The following UNC5C variants were observed in gnomAD, a reference collection of about 807,000 sequenced individuals.
The protein encoded by UNC5C is netrin receptor UNC5C.
A neutral mutation model predicts 99.8 loss-of-function variants in UNC5C; 47 were observed. The ratio of observed to expected loss-of-function variants is 0.47; its 90% CI spans 0.37 to 0.60. UNC5C has a LOEUF of 0.60. Ranked by LOEUF, UNC5C falls within the 20% of genes least tolerant of loss-of-function variation. UNC5C has a pLI of 0.00. For missense variants in UNC5C, 1,062 were observed against 1,165.9 expected, an observed-to-expected ratio of 0.91 and a Z score of 1.30; for synonymous variants, 487 against 452.2, an observed-to-expected ratio of 1.08 and a Z score of -0.98.
Position 95,226,101 on chromosome 4 carries a change from G to A in UNC5C, c.1109-5925C>T, listed in dbSNP as rs141498645. ...AATAATGAAAAATAACATCTCCGGC[G>A]GAACACAGTGCAAAATAATTGTTTT... On this transcript the variant is annotated intron_variant, in intron 7 of 15. Transcript: ENST00000453304. Among the ~76,000 whole-genome samples the A allele has an allele frequency of 2.7e-3, 405 of 152,264 alleles. 4 individuals carry two copies. Among genetic ancestry groups the A allele is most frequent in the African/African-American group, 9.1e-3 (380 of 41,546 alleles).
At chr4:95,486,194 AATT>A (rs1458729459) in intron 1 of UNC5C, among the ~76,000 whole-genome samples, 5 of 151,698 alleles carry the variant, frequency 3.3e-5, no homozygotes, top group Admixed American at 6.6e-5. Flanking sequence ...CCATTACAGA[AATT>A]ATTATTATAT....
intron 1 of UNC5C, among the ~76,000 whole-genome samples, chr4:95,338,978 G>A (rs1743453291): frequency 1.3e-5 from 2 of 152,056 alleles, no homozygotes; most frequent in Admixed American, 1.3e-4. Flanking sequence ...CTGTGTGACA[G>A]CAGAGGTCAC....
intron 4 of UNC5C, among the ~76,000 whole-genome samples, chr4:95,273,943 CCAT>C (rs139324404): frequency 9.4e-4 from 143 of 152,198 alleles, no homozygotes; most frequent in African/African-American, 3.3e-3. Flanking sequence ...CTAGAGCTTT[CCAT>C]CTCCTGAGGT....
chr4:95,429,255 C>G (rs1043191915), intron 1 of UNC5C, among the ~76,000 whole-genome samples: 3 of 148,296 alleles, frequency 2.0e-5, no homozygotes, highest in African/African-American at 7.6e-5. Flanking sequence ...TCAGATCTTC[C>G]CTTTAAATAA....
intron 3 of UNC5C, among the ~76,000 whole-genome samples, chr4:95,294,046 T>A (rs535813462): frequency 6.6e-6 from 1 of 152,174 alleles, no homozygotes; most frequent in Non-Finnish European, 1.5e-5. Flanking sequence ...AAAACCAGTA[T>A]GACAAAAAGA....
In UNC5C at chr4:95,163,989, T is replaced by A. The variant is rs981188221; in HGVS notation, c.*5245A>T. ...ATGCTAAATAGGTCTGAGGCACACA[T>A]TACATTTGGTTGAATGAGCCCGTTA... On this transcript the variant is annotated 3_prime_UTR_variant, in exon 16 of 16. Coordinates refer to ENST00000453304, the MANE Select transcript of UNC5C (RefSeq NM_003728.4). The A allele has an allele frequency of 6.6e-6, 1 of 152,198 alleles. No individual in the cohort carries two copies. The highest frequency in any genetic ancestry group is 6.5e-5 in the Admixed American group (1 of 15,284). 9.4% of individuals were successfully genotyped at this position (152,198 alleles called of 1,614,324 possible).
chr4:95,410,825 G>C (rs1430126669), intron 1 of UNC5C, among the ~76,000 whole-genome samples: 1 of 152,172 alleles, frequency 6.6e-6, no homozygotes, highest in East Asian at 1.9e-4. Context: ...CCAGTGTACA[G>C]AATCAAAGGG....
intron 3 of UNC5C, among the ~76,000 whole-genome samples, chr4:95,286,495 C>T (rs1049360030): frequency 2.0e-5 from 3 of 152,140 alleles, no homozygotes; most frequent in Non-Finnish European, 2.9e-5. Context: ...TGCTTCTGCA[C>T]GGTGGCTCTA....
chr4:95,432,865 G>A (rs748129169), intron 1 of UNC5C, among the ~76,000 whole-genome samples: 2 of 152,078 alleles, frequency 1.3e-5, no homozygotes, highest in African/African-American at 4.8e-5. Flanking sequence ...TCAAGGAAAA[G>A]AGCAATCTGC....
At chr4:95,192,689 T>A (rs960667825) in intron 12 of UNC5C, among the ~76,000 whole-genome samples, 2 of 150,480 alleles carry the variant, frequency 1.3e-5, no homozygotes, top group African/African-American at 4.9e-5. Flanking sequence ...CTGTTCACCC[T>A]CCTCCCCTGC....
At chr4:95,199,913 G>GAAAT (rs1737587354) in intron 12 of UNC5C, among the ~76,000 whole-genome samples, 1 of 152,156 alleles carries the variant, frequency 6.6e-6, no homozygotes, top group South Asian at 2.1e-4. Flanking sequence ...GAATATAAAA[G>GAAAT]AAATAACCTT....
chr4:95,539,390 C>A (rs1229997367), intron 1 of UNC5C, among the ~76,000 whole-genome samples: 1 of 152,164 alleles, frequency 6.6e-6, no homozygotes, highest in Non-Finnish European at 1.5e-5. Flanking sequence ...GAGACAAAAA[C>A]ATCTCTTTGG....
chr4:95,255,666 G>C (rs1739949474), intron 4 of UNC5C, among the ~76,000 whole-genome samples: 1 of 152,044 alleles, frequency 6.6e-6, no homozygotes, highest in Non-Finnish European at 1.5e-5. Context: ...TTCTATTCAA[G>C]GGCAAGTCCC....
chr4:95,228,680 G>T (rs1738785878), intron 7 of UNC5C, among the ~76,000 whole-genome samples: 1 of 152,208 alleles, frequency 6.6e-6, no homozygotes, highest in South Asian at 2.1e-4. Flanking sequence ...TTCGAATGAG[G>T]AGAGACAAGG....
intron 14 of UNC5C, among the ~76,000 whole-genome samples, chr4:95,172,197 G>C (rs112796782): frequency 0.47 from 69,411 of 147,162 alleles, 17,191 homozygotes; most frequent in Admixed American, 0.59. Context: ...GTTGCCTGTT[G>C]ACTCTGATGG....
At chr4:95,379,896 G>A (rs1056110726) in intron 1 of UNC5C, among the ~76,000 whole-genome samples, 4 of 152,176 alleles carry the variant, frequency 2.6e-5, no homozygotes, top group African/African-American at 7.2e-5. Context: ...TCTTAGAGAA[G>A]GGTTGTTAGT....
At chr4:95,210,397 T>A (rs1738036479) in intron 10 of UNC5C, among the ~76,000 whole-genome samples, 1 of 152,192 alleles carries the variant, frequency 6.6e-6, no homozygotes, top group Non-Finnish European at 1.5e-5. Context: ...TGTAAGGAGT[T>A]ACGCAGGATA....
At chr4:95,458,701 G>A (rs1366545762) in intron 1 of UNC5C, among the ~76,000 whole-genome samples, 4 of 152,070 alleles carry the variant, frequency 2.6e-5, no homozygotes, top group African/African-American at 4.8e-5. Context: ...AAATTTTGGT[G>A]TAAAGGAATA....
At chr4:95,194,379 A>C (rs1232763335) in intron 12 of UNC5C, among the ~76,000 whole-genome samples, 1 of 152,198 alleles carries the variant, frequency 6.6e-6, no homozygotes, top group Non-Finnish European at 1.5e-5. Context: ...CACCACTAAC[A>C]TAGTGACTTA....
Sources: allele counts gnomAD v4.1 joint callset (sites outside exome capture counted in the v4.1 genomes callset), GRCh38; gene constraint gnomAD v4.1.1; transcripts MANE v1.5; gene names NCBI Gene and HGNC (gene_info 2026-07-23, HGNC 2026-07-21).